The following DAB1 variants were observed in gnomAD, a reference collection of about 807,000 sequenced individuals.
DAB1 encodes disabled homolog 1.
Under a neutral mutation model 64.6 loss-of-function variants are expected in DAB1, and 15 were observed. That is an observed-to-expected ratio of 0.23 (90% CI 0.16 to 0.36). The LOEUF (loss-of-function observed/expected upper bound fraction) is 0.36. Ranked by LOEUF, DAB1 falls within the 10% of genes least tolerant of loss-of-function variation. The pLI is 1.00. For synonymous variants in DAB1, 235 were observed against 251.9 expected (o/e 0.93, Z 0.64); for missense variants, 596 against 706.7 (o/e 0.84, Z 1.78).
At position 57,615,008 on chromosome 1, in the gene DAB1, T is replaced by C. The variant is rs369657727; in HGVS notation, n.625+34584A>G. 4.7e-4 allele frequency among the ~76,000 whole-genome samples: 71 copies of C among 151,778 alleles called. 1 individual carries two copies. In the South Asian group the frequency reaches 0.014, roughly 30 times the overall value. ...GCCTCAGCTCCCGAGTAGTTGGGAC[T>C]ACAGGCACCCACCACCGCGCCTGGC... On this transcript the variant is annotated intron_variant and non_coding_transcript_variant, in intron 7 of 20. Coordinates refer to the DAB1 transcript ENST00000485760.
chr1:58,004,905 A>C (rs1300043823), intron 5 of DAB1, among the ~76,000 whole-genome samples: 1 of 152,094 alleles, frequency 6.6e-6, no homozygotes, highest in Admixed American at 6.5e-5. Context: ...CACTGACTCC[A>C]CTTTTCTTTT....
chr1:58,110,343 G>A (rs1372878914), intron 5 of DAB1, among the ~76,000 whole-genome samples: 2 of 152,212 alleles, frequency 1.3e-5, no homozygotes, highest in African/African-American at 2.4e-5. Flanking sequence ...CCAATAATAA[G>A]TGAACAAAAA....
intron 6 of DAB1, among the ~76,000 whole-genome samples, chr1:57,747,787 C>A (rs546677459): frequency 3.5e-5 from 4 of 115,464 alleles, no homozygotes; most frequent in African/African-American, 1.4e-4. Flanking sequence ...CCAGCCTGGG[C>A]GACAGAGGAG....
intron 7 of DAB1, among the ~76,000 whole-genome samples, chr1:57,641,355 C>A (rs1646125073): frequency 6.7e-6 from 1 of 150,048 alleles, no homozygotes; most frequent in Non-Finnish European, 1.5e-5. Context: ...GAAACTCTTG[C>A]CCAGTTCCCT....
intron 2 of DAB1, among the ~76,000 whole-genome samples, chr1:57,160,585 G>A (rs1215848705): frequency 6.6e-6 from 1 of 152,132 alleles, no homozygotes; most frequent in East Asian, 1.9e-4. Context: ...TGGTTGTGGT[G>A]CTGCACGGAT....
At chr1:58,251,078 AC>A (rs1334837686) in intron 4 of DAB1, among the ~76,000 whole-genome samples, 1 of 152,206 alleles carries the variant, frequency 6.6e-6, no homozygotes, top group African/African-American at 2.4e-5. Flanking sequence ...TTCTTCATCT[AC>A]AAAATGGGAA....
intron 14 of DAB1, among the ~76,000 whole-genome samples, chr1:56,999,094 C>T (rs1396604903): frequency 6.6e-6 from 1 of 151,518 alleles, no homozygotes; most frequent in Non-Finnish European, 1.5e-5. Context: ...TTAGCTTGTC[C>T]CCTGCCTTGT....
At chr1:57,808,416 G>A (rs1233152386) in intron 6 of DAB1, among the ~76,000 whole-genome samples, 1 of 152,160 alleles carries the variant, frequency 6.6e-6, no homozygotes. Flanking sequence ...CTCCACCAGA[G>A]AGAAAGCGTA....
In DAB1 at chr1:58,524,222, T is replaced by C. The variant is rs528146761; in HGVS notation, n.107+3039A>G. 4.6e-5 allele frequency among the ~76,000 whole-genome samples: 7 copies of C among 152,330 alleles called. No individual in the cohort carries two copies. The East Asian group carries it at 1.2e-3, about 25-fold the overall frequency. On this transcript the variant is annotated intron_variant and non_coding_transcript_variant, in intron 2 of 20. Coordinates refer to the DAB1 transcript ENST00000485760. ...ATCTTTTTTCCAGAATAGCACACTT[T>C]CATCTGCATTAAAAACCTGTTCCGG...
At chr1:58,172,659 C>T (rs1400660569) in intron 4 of DAB1, among the ~76,000 whole-genome samples, 1 of 152,162 alleles carries the variant, frequency 6.6e-6, no homozygotes, top group Admixed American at 6.5e-5. Flanking sequence ...TTAGCTAATC[C>T]TGACCTTAAC....
At chr1:57,103,610 G>A (rs1328032441) in intron 4 of DAB1, among the ~76,000 whole-genome samples, 3 of 151,970 alleles carry the variant, frequency 2.0e-5, no homozygotes, top group Non-Finnish European at 4.4e-5. Context: ...TGCTGGGGAG[G>A]AGAGAGTAGG....
chr1:57,538,097 A>T (rs1644752578), intron 7 of DAB1, among the ~76,000 whole-genome samples: 2 of 152,156 alleles, frequency 1.3e-5, no homozygotes, highest in African/African-American at 4.8e-5. Flanking sequence ...ACTGGGATCA[A>T]ATTTCAACAT....
chr1:57,033,193 C>CAT (rs201766146), intron 9 of DAB1, among the ~76,000 whole-genome samples: 5,929 of 151,890 alleles, frequency 0.039, 122 homozygotes, highest in South Asian at 0.062. Context: ...CACACACACA[C>CAT]GTGTACATAC....
intron 5 of DAB1, among the ~76,000 whole-genome samples, chr1:58,117,038 A>G (rs1652380227): frequency 1.3e-5 from 2 of 152,142 alleles, no homozygotes; most frequent in South Asian, 4.1e-4. Context: ...TGGCATACTC[A>G]TTTGCTCCTC....
intron 7 of DAB1, among the ~76,000 whole-genome samples, chr1:57,561,232 T>C (rs984436727): frequency 1.2e-4 from 18 of 152,134 alleles, no homozygotes; most frequent in Non-Finnish European, 2.6e-4. Context: ...AGGTGGTTCT[T>C]AACAATATGC....
At chr1:58,370,633 C>A (rs1209455135) in intron 3 of DAB1, among the ~76,000 whole-genome samples, 1 of 152,050 alleles carries the variant, frequency 6.6e-6, no homozygotes, top group African/African-American at 2.4e-5. Flanking sequence ...TGTGTCCTCA[C>A]CCAAATCTCA....
At chr1:57,382,037 T>G (rs919787707) in intron 1 of DAB1, among the ~76,000 whole-genome samples, 1 of 152,162 alleles carries the variant, frequency 6.6e-6, no homozygotes. Context: ...GCAAATGCTC[T>G]GGGGTTGAGG....
intron 6 of DAB1, among the ~76,000 whole-genome samples, chr1:57,714,654 TTAAG>T (rs1647064635): frequency 6.6e-6 from 1 of 152,014 alleles, no homozygotes; most frequent in Non-Finnish European, 1.5e-5. Context: ...AGTTGAAGAG[TTAAG>T]TAACAGAGAA....
At position 58,275,332 on chromosome 1, in the gene DAB1, G is replaced by A. The variant is rs139464520; in HGVS notation, n.309+68020C>T. On this transcript the variant is annotated intron_variant and non_coding_transcript_variant, in intron 4 of 20. Coordinates refer to the DAB1 transcript ENST00000485760. ...AATAAAGGTAAAAACAGGTAAATTG[G>A]ACTACATCAAAATTAAAACTTCTTT... Among the ~76,000 whole-genome samples, 564 of 152,232 alleles carry A rather than the reference G, an allele frequency of 3.7e-3. 3 individuals carry two copies. Among genetic ancestry groups the A allele is most frequent in the African/African-American group, 0.013 (520 of 41,542 alleles).
Sources: allele counts gnomAD v4.1 joint callset (sites outside exome capture counted in the v4.1 genomes callset), GRCh38; gene constraint gnomAD v4.1.1; transcripts MANE v1.5; gene names NCBI Gene and HGNC (gene_info 2026-07-23, HGNC 2026-07-21).